The following NAV1 variants were observed in gnomAD, a reference collection of about 807,000 sequenced individuals.
NAV1 encodes the protein neuron navigator 1.
A neutral mutation model predicts 175.2 loss-of-function variants in NAV1; 18 were observed. The ratio of observed to expected loss-of-function variants is 0.10; its 90% confidence interval spans 0.07 to 0.15. The LOEUF is 0.15. Among genes scored for constraint, NAV1 ranks in the 10% least tolerant of loss-of-function variants. NAV1 has a pLI of 1.00. For synonymous variants in NAV1, 897 were observed against 978.7 expected, an observed-to-expected ratio of 0.92 and a Z score of 1.56; for missense variants, 1,731 against 2,436.6, an observed-to-expected ratio of 0.71 and a Z score of 6.10.
intron 3 of NAV1, among the ~76,000 whole-genome samples, chr1:201,727,232 A>AG (rs1182484685): frequency 2.0e-5 from 3 of 152,200 alleles, no homozygotes; most frequent in Non-Finnish European, 2.9e-5. Context: ...ACTGGACCTA[A>AG]GTTGTCACAG....
At chr1:201,563,109 G>A (rs1035880756) in intron 1 of NAV1, among the ~76,000 whole-genome samples, 5 of 152,156 alleles carry the variant, frequency 3.3e-5, no homozygotes, top group African/African-American at 1.2e-4. Context: ...GGATGTGTGG[G>A]GGAAGCTACA....
exon 30 of NAV1, chr1:201,821,712 G>A (rs1353542400): frequency 6.6e-6 from 1 of 152,192 alleles, no homozygotes; most frequent in East Asian, 1.9e-4. Context: ...ATACATTGGG[G>A]GCAGAAGATC....
chr1:201,644,055 G>C (rs772217738), upstream of NAV1, among the ~76,000 whole-genome samples: 20 of 152,286 alleles, frequency 1.3e-4, no homozygotes, highest in Non-Finnish European at 2.1e-4. Flanking sequence ...TTGGGGCGCT[G>C]AGGATTGGGG....
chr1:201,804,271 C>G (rs1161301379), intron 16 of NAV1, among the ~76,000 whole-genome samples: 1 of 152,104 alleles, frequency 6.6e-6, no homozygotes, highest in Non-Finnish European at 1.5e-5. Context: ...TGAAATTCTT[C>G]AGGCAGGTCT....
At chr1:201,794,384 G>C (rs186919100) in intron 14 of NAV1, 82 bp from the exon 19 acceptor site, 1 of 1,277,124 alleles carries the variant, frequency 7.8e-7, no homozygotes, top group East Asian at 2.4e-5. Flanking sequence ...CAGGTGATCC[G>C]CCCACCTCGG....
At chr1:201,714,275 A>G (rs1328678634) in intron 2 of NAV1, among the ~76,000 whole-genome samples, 1 of 152,184 alleles carries the variant, frequency 6.6e-6, no homozygotes. Context: ...GTGGAACTGC[A>G]CTTAGTCTTA....
rs763774050 is a variant in NAV1 at position 201,807,948 on chromosome 1, T to A, written c.3649-5T>A. 1 of 1,614,156 alleles carries A rather than the reference T, an allele frequency of 6.2e-7. No individual in the cohort carries two copies. The highest frequency in any genetic ancestry group is 1.1e-5 in the South Asian group (1 of 91,086). ...GTCCCTCTACCTGGATCTGCTTTTT[T>A]CTAGCTTCGAAGTTCCTTCAACAAA... On this transcript the variant is annotated splice_region_variant and splice_polypyrimidine_tract_variant and intron_variant, in intron 17 of 29. Coordinates refer to ENST00000367296, the Ensembl canonical transcript of NAV1. This position sits in a 1 kb window ranked among gnomAD's most constrained non-coding sequence, Gnocchi z 5.4.
chr1:201,706,184 T>C (rs180833645), intron 1 of NAV1, among the ~76,000 whole-genome samples: 1 of 152,344 alleles, frequency 6.6e-6, no homozygotes, highest in Non-Finnish European at 1.5e-5. Flanking sequence ...GACCTGGGCT[T>C]CACCCTAGGG....
chr1:201,699,387 T>A (rs1671318441), intron 1 of NAV1, among the ~76,000 whole-genome samples: 1 of 151,896 alleles, frequency 6.6e-6, no homozygotes. Flanking sequence ...TTACAAGGGA[T>A]GTGAAGGACC....
At chr1:201,793,669 A>G in intron 13 of NAV1, 123 bp from the exon 18 acceptor site, 1 of 758,240 alleles carries the variant, frequency 1.3e-6, no homozygotes, top group South Asian at 1.8e-5. Context: ...AACCACCAAG[A>G]GGTTTGCTGG....
At chr1:201,781,819 G>GAT (rs1676343303) in intron 5 of NAV1, among the ~76,000 whole-genome samples, 1 of 152,146 alleles carries the variant, frequency 6.6e-6, no homozygotes, top group South Asian at 2.1e-4. Flanking sequence ...ATTACTAAGA[G>GAT]ATATTGTCAT....
In NAV1 at chr1:201,785,383, A is replaced by G. The variant is rs374595424; in HGVS notation, c.2846+32A>G. The G allele has an allele frequency of 3.1e-5, 49 of 1,599,492 alleles. No individual in the cohort carries two copies. The African/African-American group carries it at 5.9e-4, about 19-fold the overall frequency. ...CTTTAATGTGTTTTTTCTTCCCTAT[A>G]AATGGGACTGCTGGTATGTATGAAA... On this transcript the variant is annotated intron_variant, in intron 8 of 29. Transcript: ENST00000367296.
chr1:201,661,651 G>A (rs1669618639), intron 1 of NAV1, among the ~76,000 whole-genome samples: 1 of 152,146 alleles, frequency 6.6e-6, no homozygotes, highest in South Asian at 2.1e-4. Flanking sequence ...CTGGGAGACT[G>A]GATGAGATGC....
chr1:201,653,943 G>A (rs1028793731), intron 1 of NAV1, among the ~76,000 whole-genome samples: 5 of 152,326 alleles, frequency 3.3e-5, no homozygotes, highest in African/African-American at 7.2e-5. Context: ...TTTTCTCACC[G>A]TGTCCAGAAA....
chr1:201,639,431 G>A lies in NAV1; in HGVS notation c.5-9203G>A, dbSNP rs117965581. On this transcript the variant is annotated intron_variant, in intron 2 of 29. Coordinates refer to the NAV1 transcript ENST00000367302. ...GGACCCCACTCCCCAAGGAGGGGAAGGAGAAACCCCGTGCCTTGTTGTGCA... is the reference window on the plus strand; with the variant it reads ...GGACCCCACTCCCCAAGGAGGGGAAAGAGAAACCCCGTGCCTTGTTGTGCA... 7.0e-4 allele frequency among the ~76,000 whole-genome samples: 107 copies of A among 152,344 alleles called. No individual in the cohort carries two copies. The East Asian group carries it at 0.014, about 20-fold the overall frequency.
chr1:201,641,543 G>A (rs1668752274), intron 2 of NAV1, among the ~76,000 whole-genome samples: 3 of 152,240 alleles, frequency 2.0e-5, no homozygotes, highest in Admixed American at 2.0e-4. Flanking sequence ...GAATGACATG[G>A]TGGAGAAAAG....
chr1:201,593,564 C>T (rs1178654902), intron 2 of NAV1, among the ~76,000 whole-genome samples: 1 of 152,180 alleles, frequency 6.6e-6, no homozygotes, highest in Non-Finnish European at 1.5e-5. Flanking sequence ...TGTTGGTGGC[C>T]TTTCTCTTTT....
At chr1:201,791,482 CT>C (rs113316357) in intron 13 of NAV1, 40,825 of 152,132 alleles carry the variant, frequency 0.27, 5,670 homozygotes, top group African/African-American at 0.32. Flanking sequence ...ACTTTCTCCC[CT>C]GTGACTGAGT....
intron 2 of NAV1, among the ~76,000 whole-genome samples, chr1:201,635,324 C>T (rs897963017): frequency 2.2e-4 from 33 of 152,150 alleles, no homozygotes; most frequent in Non-Finnish European, 3.7e-4. Flanking sequence ...GGATTACAGG[C>T]GTGAGCCATT....
Sources: gnomAD v4.1 joint callset for allele counts (sites outside exome capture counted in the v4.1 genomes callset) on GRCh38, gnomAD v4.1.1 for gene constraint, Gnocchi (gnomAD v3.1) non-coding constraint, MANE v1.5 for transcripts, NCBI Gene and HGNC (gene_info 2026-07-23, HGNC 2026-07-21) for gene names.